Variants in NOS1AP observed in about 807,000 individuals in gnomAD.
NOS1AP encodes nitric oxide synthase 1 adaptor protein.
In NOS1AP, 21 loss-of-function variants were observed where a neutral mutation model predicts 56.2. That is an observed-to-expected ratio of 0.37 (90% confidence interval 0.26 to 0.54). The LOEUF is 0.54. NOS1AP is among the 20% of genes least tolerant of loss of function. NOS1AP has a pLI of 0.84. For missense variants in NOS1AP, 522 were observed against 657.8 expected (o/e 0.79, Z 2.26); for synonymous variants, 270 against 274.6 (o/e 0.98, Z 0.17).
At chr1:162,329,361 A>AG (rs1656692027) in intron 4 of NOS1AP, among the ~76,000 whole-genome samples, 11 of 148,808 alleles carry the variant, frequency 7.4e-5, no homozygotes, top group Middle Eastern at 3.4e-3. Flanking sequence ...CCAAGAAAAA[A>AG]AGAGAGAGAG....
At chr1:162,352,096 A>G (rs576728649) in intron 6 of NOS1AP, among the ~76,000 whole-genome samples, 23 of 149,542 alleles carry the variant, frequency 1.5e-4, no homozygotes, top group Non-Finnish European at 2.4e-4. Flanking sequence ...ATCTCACTCT[A>G]TTGCCCAGGC....
chr1:162,235,473 G>T (rs940837759), intron 2 of NOS1AP, among the ~76,000 whole-genome samples: 1 of 152,126 alleles, frequency 6.6e-6, no homozygotes, highest in Admixed American at 6.5e-5. Flanking sequence ...TCACTGTTGC[G>T]CATACCTGGA....
At chr1:162,070,459 A>G (rs1425744301) in intron 1 of NOS1AP, among the ~76,000 whole-genome samples, 177 bp downstream of exon 1, 2 of 152,226 alleles carry the variant, frequency 1.3e-5, no homozygotes, top group African/African-American at 4.8e-5. Context: ...GCTCCTGCCC[A>G]GAACTGCTCA....
chr1:162,152,998 T>A (rs1260134348), intron 1 of NOS1AP, among the ~76,000 whole-genome samples: 1 of 152,200 alleles, frequency 6.6e-6, no homozygotes, highest in Admixed American at 6.5e-5. Context: ...CAAGTCCCAA[T>A]GAATCAGTGT....
intron 4 of NOS1AP, among the ~76,000 whole-genome samples, chr1:162,300,987 G>A (rs372486288): frequency 6.6e-6 from 1 of 152,094 alleles, no homozygotes; most frequent in African/African-American, 2.4e-5. Flanking sequence ...TTGTGCTAGT[G>A]TTGTCCCAAT....
intron 1 of NOS1AP, among the ~76,000 whole-genome samples, chr1:162,136,417 G>T (rs1356350503): frequency 6.6e-6 from 1 of 152,030 alleles, no homozygotes; most frequent in Non-Finnish European, 1.5e-5. Context: ...TCAGTATTGG[G>T]CTGGATACAA....
intron 8 of NOS1AP, 69 bp from the exon 9 acceptor site, chr1:162,365,335 C>T (rs1445976557): frequency 1.2e-6 from 2 of 1,608,514 alleles, no homozygotes; most frequent in Non-Finnish European, 8.5e-7. Flanking sequence ...CTGCCAGTGA[C>T]TCTCATGTGC....
At chr1:162,089,350 C>A (rs1220472283) in intron 1 of NOS1AP, among the ~76,000 whole-genome samples, 2 of 152,142 alleles carry the variant, frequency 1.3e-5, no homozygotes, top group African/African-American at 4.8e-5. Context: ...TTGCTTTATC[C>A]TACACTACAC....
chr1:162,186,394 G>GAAAA (rs918941765), intron 2 of NOS1AP, among the ~76,000 whole-genome samples: 1 of 146,620 alleles, frequency 6.8e-6, no homozygotes, highest in Non-Finnish European at 1.5e-5. Context: ...AAAAGATGAA[G>GAAAA]AAAAAAAACA....
At chr1:162,106,414 C>T (rs769629123) in intron 1 of NOS1AP, among the ~76,000 whole-genome samples, 5 of 152,194 alleles carry the variant, frequency 3.3e-5, no homozygotes, top group Non-Finnish European at 7.3e-5. Context: ...GAGCTGCTTC[C>T]AATCGACCCA....
intron 6 of NOS1AP, among the ~76,000 whole-genome samples, chr1:162,352,213 C>T (rs753478631): frequency 2.6e-5 from 4 of 152,176 alleles, no homozygotes; most frequent in Middle Eastern, 3.2e-3. Context: ...GCATGTACCA[C>T]CATGCCCAGC....
chr1:162,169,125 C>G (rs1408510893), intron 2 of NOS1AP, among the ~76,000 whole-genome samples: 2 of 152,258 alleles, frequency 1.3e-5, no homozygotes, highest in Non-Finnish European at 2.9e-5. Context: ...TGAGCGCCCT[C>G]CGTGCATGGG....
chr1:162,243,819 ATT>A (rs1218380982), intron 2 of NOS1AP, among the ~76,000 whole-genome samples: 1 of 152,132 alleles, frequency 6.6e-6, no homozygotes, highest in Non-Finnish European at 1.5e-5. Context: ...TTTCAACCTC[ATT>A]TAACCTGCAA....
chr1:162,369,656 G>A lies in NOS1AP; in HGVS notation c.*2189G>A, dbSNP rs1028243463. 1 of 152,230 alleles carries A rather than the reference G, an allele frequency of 6.6e-6. No individual in the cohort carries two copies. The highest frequency in any genetic ancestry group is 1.5e-5 in the Non-Finnish European group (1 of 68,058). The allele number at this position is 152,230 out of a possible 1,614,324, so 9.4% of individuals were successfully genotyped here. On this transcript the variant is annotated 3_prime_UTR_variant, in exon 10 of 10. Transcript: ENST00000361897. ...AGAAATTAAAGAATTGGAGAAACTA[G>A]TTATCTGTGTTGCTGACTTTGGGAC...
intron 4 of NOS1AP, among the ~76,000 whole-genome samples, chr1:162,325,232 TAAGA>T (rs1395169893): frequency 6.6e-6 from 1 of 152,038 alleles, no homozygotes; most frequent in East Asian, 1.9e-4. Context: ...AAAGCAGTCA[TAAGA>T]GAGAACAGTG....
In NOS1AP at chr1:162,300,921, A is replaced by G. The variant is rs16859947; in HGVS notation, c.344+215A>G. Among the ~76,000 whole-genome samples, 1,173 of 152,282 alleles carry G rather than the reference A, an allele frequency of 7.7e-3. 17 individuals carry two copies. Among genetic ancestry groups the G allele is most frequent in the African/African-American group, 0.026 (1,096 of 41,560 alleles). ...GATTGCATTAAGGAAGCTATGAAGT[A>G]TATCTGCTTGATGTTTAATTTAAAC... On this transcript the variant is annotated intron_variant, in intron 4 of 9. Transcript: ENST00000361897.
chr1:162,309,186 G>T (rs1474981134), intron 4 of NOS1AP, among the ~76,000 whole-genome samples: 1 of 152,226 alleles, frequency 6.6e-6, no homozygotes, highest in Non-Finnish European at 1.5e-5. Flanking sequence ...CATGTAGTAT[G>T]TTTCACTTAG....
chr1:162,287,461 G>A, intron 3 of NOS1AP, 25 bp downstream of exon 3: 2 of 1,498,968 alleles, frequency 1.3e-6, no homozygotes, highest in Non-Finnish European at 1.9e-6. Context: ...ACCAGAATCT[G>A]AGGTGAAGAG....
intron 5 of NOS1AP, among the ~76,000 whole-genome samples, chr1:162,337,348 A>C (rs1411634911): frequency 6.6e-6 from 1 of 152,220 alleles, no homozygotes; most frequent in Non-Finnish European, 1.5e-5. Context: ...ACAGCTGTGA[A>C]GTTGAACTGT....
Sources: gnomAD v4.1 joint callset for allele counts (sites outside exome capture counted in the v4.1 genomes callset) on GRCh38, gnomAD v4.1.1 for gene constraint, MANE v1.5 for transcripts, NCBI Gene and HGNC (gene_info 2026-07-23, HGNC 2026-07-21) for gene names.